PSD3: variants seen among roughly 807,000 people sequenced by gnomAD.
The protein encoded by PSD3 is PH and SEC7 domain-containing protein 3.
PSD3 carries 49 observed loss-of-function variants against 105.5 expected under a neutral mutation model. The observed-to-expected ratio is 0.46, with a 90% CI of 0.37 to 0.59. The LOEUF (loss-of-function observed/expected upper bound fraction) is 0.59. Among genes scored for constraint, PSD3 ranks in the 20% least tolerant of loss-of-function variants. PSD3 has a pLI of 0.00. For synonymous variants in PSD3, 557 were observed against 457.8 expected, an observed-to-expected ratio of 1.22 and a Z score of -2.77; for missense variants, 1,561 against 1,263.8, an observed-to-expected ratio of 1.24 and a Z score of -3.57.
intron 1 of PSD3, among the ~76,000 whole-genome samples, chr8:19,033,191 G>A (rs1827827367): frequency 6.6e-6 from 1 of 152,122 alleles, no homozygotes; most frequent in Non-Finnish European, 1.5e-5. Context: ...AAGATGTTAT[G>A]TGATTTTTAA....
intron 1 of PSD3, among the ~76,000 whole-genome samples, chr8:18,943,732 A>G (rs193157958): frequency 3.2e-4 from 48 of 152,256 alleles, no homozygotes; most frequent in Non-Finnish European, 5.0e-4. Context: ...TTTATTAACT[A>G]GAGAGATTTT....
At position 18,808,639 on chromosome 8, in the gene PSD3, G is replaced by A; in HGVS notation, c.1635-3741C>T. 3 of 1,316,854 alleles carry A rather than the reference G, an allele frequency of 2.3e-6. No homozygotes were observed. The South Asian group carries it at 3.8e-5, about 17-fold the overall frequency. 81.6% of individuals were successfully genotyped at this position (1,316,854 alleles called of 1,614,324 possible). A position where few individuals can be genotyped will look rare whatever the true frequency, so the allele number is the denominator to read the frequency against. ...AAAATAAAGCACAAAGGATAAATAT[G>A]TCCCTAGATGGCTTCATTCTGTCCA... is the stretch of plus-strand genomic sequence containing the variant. On this transcript the variant is annotated intron_variant, in intron 4 of 15. Coordinates refer to ENST00000327040, the MANE Select transcript of PSD3 (RefSeq NM_015310.4).
intron 1 of PSD3, among the ~76,000 whole-genome samples, chr8:19,060,815 A>T (rs1405540551): frequency 6.6e-6 from 1 of 152,228 alleles, no homozygotes; most frequent in Non-Finnish European, 1.5e-5. Flanking sequence ...AGGAACTGAA[A>T]GATGAGACAT....
intron 12 of PSD3, among the ~76,000 whole-genome samples, chr8:18,596,184 T>C (rs74643354): frequency 0.053 from 7,928 of 150,854 alleles, 407 homozygotes; most frequent in East Asian, 0.22. Context: ...AAAAAGGAAA[T>C]TGGACAATAA....
At chr8:18,604,301 A>G (rs1262503016) in intron 11 of PSD3, among the ~76,000 whole-genome samples, 3 of 152,190 alleles carry the variant, frequency 2.0e-5, no homozygotes, top group Admixed American at 6.5e-5. Context: ...TTACCAAAGA[A>G]CATGGCTTGC....
At chr8:19,020,921 G>A (rs755690356) in intron 1 of PSD3, among the ~76,000 whole-genome samples, 1 of 152,190 alleles carries the variant, frequency 6.6e-6, no homozygotes, top group Non-Finnish European at 1.5e-5. Flanking sequence ...GACATGTTAA[G>A]TTAGAGTTAA....
intron 4 of PSD3, among the ~76,000 whole-genome samples, chr8:18,824,986 T>TA (rs926367302): frequency 1.3e-5 from 2 of 152,030 alleles, no homozygotes; most frequent in Non-Finnish European, 2.9e-5. Flanking sequence ...ATCAAAGCTA[T>TA]AAAAAAATAC....
chr8:19,078,927 G>T (rs1251866317), intron 1 of PSD3, among the ~76,000 whole-genome samples: 2 of 151,162 alleles, frequency 1.3e-5, no homozygotes, highest in African/African-American at 4.9e-5. Context: ...TGAAAAACAA[G>T]ACCTATTGGA....
chr8:19,015,372 G>A (rs1355442550), upstream of PSD3, among the ~76,000 whole-genome samples: 1 of 152,166 alleles, frequency 6.6e-6, no homozygotes, highest in Non-Finnish European at 1.5e-5. Context: ...GTCTTTATCA[G>A]CAGTGTGAAA....
intron 4 of PSD3, among the ~76,000 whole-genome samples, chr8:18,815,562 C>T (rs1189759896): frequency 1.3e-5 from 2 of 152,096 alleles, no homozygotes; most frequent in East Asian, 1.9e-4. Context: ...CTCTCCACCT[C>T]GGCCTCCCAA....
rs116694802 is a variant in PSD3 at position 18,816,119 on chromosome 8, C to A, written c.1635-11221G>T. Among the ~76,000 whole-genome samples, 684 of 152,240 alleles carry A rather than the reference C, an allele frequency of 4.5e-3. 6 individuals carry two copies. The highest frequency in any genetic ancestry group is 0.015 in the African/African-American group (640 of 41,528). ...CTGGGGCTATGGGATTAACAGGGGA[C>A]GTTTCCACTCTTTAGTACCCAATAT... On this transcript the variant is annotated intron_variant, in intron 4 of 15. Transcript: ENST00000327040.
chr8:18,563,922 T>C (rs1801565426), intron 14 of PSD3, among the ~76,000 whole-genome samples: 1 of 152,166 alleles, frequency 6.6e-6, no homozygotes, highest in South Asian at 2.1e-4. Context: ...GGTCAGATTA[T>C]TCCAAAGTGG....
chr8:18,764,669 T>A lies in PSD3; in HGVS notation c.2172+780A>T, dbSNP rs183587889. Among the ~76,000 whole-genome samples, 33 of 152,310 alleles carry A rather than the reference T, an allele frequency of 2.2e-4. No individual in the cohort carries two copies. In the East Asian group the frequency reaches 5.8e-3, roughly 27 times the overall value. The stretch of plus-strand genomic sequence containing the variant: ...ATATCATACATTTCCATACCATAGC[T>A]GATTCAAATGTCACCTTTCTTGAAA... On this transcript the variant is annotated intron_variant, in intron 9 of 15. Transcript: ENST00000327040.
intron 15 of PSD3, among the ~76,000 whole-genome samples, chr8:18,550,696 T>C (rs1800710916): frequency 6.6e-6 from 1 of 152,194 alleles, no homozygotes; most frequent in Non-Finnish European, 1.5e-5. Context: ...TACTAAAAAC[T>C]GTACTGAAAG....
chr8:18,695,356 A>G (rs1801200828), intron 9 of PSD3, among the ~76,000 whole-genome samples: 1 of 152,228 alleles, frequency 6.6e-6, no homozygotes, highest in South Asian at 2.1e-4. Context: ...AAGTAAAAAG[A>G]TAACAGCATC....
chr8:18,622,625 AGTGTACAATTT>A (rs542993299), intron 11 of PSD3, among the ~76,000 whole-genome samples: 3 of 152,212 alleles, frequency 2.0e-5, no homozygotes, highest in Non-Finnish European at 4.4e-5. Flanking sequence ...ATTGTACATA[AGTGTACAATTT>A]GATGTTTTTA....
At chr8:18,976,741 C>A (rs970228876) in intron 1 of PSD3, among the ~76,000 whole-genome samples, 1 of 152,172 alleles carries the variant, frequency 6.6e-6, no homozygotes, top group South Asian at 2.1e-4. Flanking sequence ...AGGCACTGTT[C>A]TATGCATTTA....
At chr8:18,812,698 T>C (rs1356830280) in intron 4 of PSD3, among the ~76,000 whole-genome samples, 1 of 152,210 alleles carries the variant, frequency 6.6e-6, no homozygotes, top group Non-Finnish European at 1.5e-5. Context: ...GTTCCATTTT[T>C]GATGTGTTCA....
chr8:18,917,687 C>T (rs746970142), intron 2 of PSD3, among the ~76,000 whole-genome samples: 5 of 152,238 alleles, frequency 3.3e-5, no homozygotes, highest in Non-Finnish European at 5.9e-5. Context: ...TTTGCTCTTG[C>T]GATTTCCCAC....
Sources: allele counts gnomAD v4.1 joint callset (sites outside exome capture counted in the v4.1 genomes callset), GRCh38; gene constraint gnomAD v4.1.1; transcripts MANE v1.5; gene names NCBI Gene and HGNC (gene_info 2026-07-23, HGNC 2026-07-21).